AKT3: variants seen among roughly 807,000 people sequenced by gnomAD.
AKT3 encodes the protein AKT serine/threonine kinase 3.
Under a neutral mutation model 65.3 loss-of-function variants are expected in AKT3, and 15 were observed. That is an observed-to-expected ratio of 0.23 (90% CI 0.15 to 0.35). The LOEUF is 0.35. AKT3 is among the 10% of genes least tolerant of loss of function. AKT3 has a pLI of 1.00. For missense variants in AKT3, 243 were observed against 576.5 expected, an observed-to-expected ratio of 0.42 and a Z score of 5.92; for synonymous variants, 206 against 183.8, an observed-to-expected ratio of 1.12 and a Z score of -0.98.
chr1:243,636,024 G>A (rs753829476), intron 6 of AKT3, among the ~76,000 whole-genome samples: 1 of 152,044 alleles, frequency 6.6e-6, no homozygotes, highest in Non-Finnish European at 1.5e-5. Context: ...TCAGAAAAGT[G>A]TAAGTAGTGA....
chr1:243,807,733 T>A (rs12063991), intron 2 of AKT3, among the ~76,000 whole-genome samples: 3,370 of 152,246 alleles, frequency 0.022, 119 homozygotes, highest in African/African-American at 0.076. Context: ...ACAGACTGCC[T>A]CCTCAAGTGG....
chr1:243,695,530 G>T, intron 3 of AKT3, 61 bp downstream of exon 3: 1 of 1,448,754 alleles, frequency 6.9e-7, no homozygotes, highest in Non-Finnish European at 9.3e-7. Flanking sequence ...TAAGATATCT[G>T]ACACATAAAA....
At chr1:243,559,687 T>C (rs1469868400) in intron 10 of AKT3, among the ~76,000 whole-genome samples, 2 of 152,108 alleles carry the variant, frequency 1.3e-5, no homozygotes, top group Non-Finnish European at 2.9e-5. Flanking sequence ...GAAGGAACAC[T>C]ATTGCTAGAT....
intron 2 of AKT3, among the ~76,000 whole-genome samples, chr1:243,758,272 G>A (rs1689267951): frequency 6.6e-6 from 1 of 152,148 alleles, no homozygotes. Flanking sequence ...TATAGCAAAG[G>A]AGGGAATATA....
At chr1:243,794,608 C>T (rs979085066) in intron 2 of AKT3, among the ~76,000 whole-genome samples, 16 of 152,122 alleles carry the variant, frequency 1.1e-4, no homozygotes, top group Non-Finnish European at 4.4e-5. Flanking sequence ...GTGTTATCTA[C>T]TCCTATGAAA....
intron 13 of AKT3, among the ~76,000 whole-genome samples, chr1:243,489,346 G>A (rs1409524530): frequency 1.3e-5 from 2 of 152,232 alleles, no homozygotes; most frequent in African/African-American, 4.8e-5. Flanking sequence ...GTTAAAGTCC[G>A]TGCAGGTGAA....
chr1:243,492,595 C>T (rs12093576), intron 13 of AKT3, among the ~76,000 whole-genome samples: 66,508 of 140,492 alleles, frequency 0.47, 17,610 homozygotes, highest in Middle Eastern at 0.61. Flanking sequence ...TGAGCCACTG[C>T]GCCCAGCTGT....
intron 2 of AKT3, among the ~76,000 whole-genome samples, chr1:243,754,474 G>C (rs10803156): frequency 0.13 from 20,482 of 152,102 alleles, 1,659 homozygotes; most frequent in East Asian, 0.31. Flanking sequence ...CTGAGGGATG[G>C]AGAGATAGGA....
At chr1:243,592,794 G>A (rs1676326309) in intron 8 of AKT3, among the ~76,000 whole-genome samples, 1 of 152,104 alleles carries the variant, frequency 6.6e-6, no homozygotes, top group South Asian at 2.1e-4. Flanking sequence ...CTGTGTCAGG[G>A]AACAGAAATT....
chr1:243,512,486 T>C (rs1462306131), intron 12 of AKT3, 60 bp from the exon 13 acceptor site: 2 of 1,103,642 alleles, frequency 1.8e-6, no homozygotes, highest in Non-Finnish European at 1.3e-6. Flanking sequence ...AATTCCTTTC[T>C]AGGAAAAAAG....
At position 243,637,162 on chromosome 1, in the gene AKT3, A is replaced by C. The variant is rs117787687; in HGVS notation, c.561+449T>G. Among the ~76,000 whole-genome samples, 194 of 152,178 alleles carry C rather than the reference A, an allele frequency of 1.3e-3. 5 individuals carry two copies. In the East Asian group the frequency reaches 0.036, roughly 29 times the overall value. On this transcript the variant is annotated intron_variant, in intron 6 of 13. Transcript: ENST00000673466. ...GGTGGGAAGTAAGTCTTCCTAAAATAATTTATTTTAATTTCACCATTCTAG... is the reference window on the plus strand; with the variant it reads ...GGTGGGAAGTAAGTCTTCCTAAAATCATTTATTTTAATTTCACCATTCTAG...
At chr1:243,838,454 A>T (rs990841515) in intron 2 of AKT3, among the ~76,000 whole-genome samples, 4 of 152,074 alleles carry the variant, frequency 2.6e-5, no homozygotes, top group Non-Finnish European at 5.9e-5. Flanking sequence ...TCATTTTATA[A>T]CTTATTTCTA....
intron 11 of AKT3, chr1:243,546,514 T>C (rs982130671): frequency 3.9e-5 from 6 of 152,216 alleles, no homozygotes; most frequent in African/African-American, 1.2e-4. Context: ...TTTGGACTTG[T>C]TCATTATTAG....
chr1:243,523,302 CA>C (rs1247413729), intron 12 of AKT3, among the ~76,000 whole-genome samples: 29 of 150,706 alleles, frequency 1.9e-4, no homozygotes, highest in African/African-American at 6.6e-4. Context: ...CACACACACA[CA>C]CACACCTTTC....
intron 4 of AKT3, among the ~76,000 whole-genome samples, chr1:243,658,703 G>A (rs1428489662): frequency 6.6e-6 from 1 of 152,044 alleles, no homozygotes; most frequent in Non-Finnish European, 1.5e-5. Flanking sequence ...CAATAGCCAA[G>A]AGGTGGAAAC....
chr1:243,625,044 A>G (rs1679046202), intron 6 of AKT3: 1 of 355,314 alleles, frequency 2.8e-6, no homozygotes, highest in Non-Finnish European at 5.8e-6. Context: ...GTATTACAGA[A>G]AGCCTCCTCC....
chr1:243,631,335 G>A (rs949417517), intron 6 of AKT3, among the ~76,000 whole-genome samples: 7 of 152,004 alleles, frequency 4.6e-5, no homozygotes, highest in South Asian at 2.1e-4. Flanking sequence ...TTTTTGAGAC[G>A]AAGTCTTGCT....
chr1:243,836,061 G>A (rs1694871748), intron 2 of AKT3, among the ~76,000 whole-genome samples: 1 of 151,838 alleles, frequency 6.6e-6, no homozygotes, highest in African/African-American at 2.4e-5. Context: ...AAATATGACT[G>A]GCCTAAAAAC....
In AKT3 at chr1:243,843,241, T is replaced by TCTC; in HGVS notation, c.-72_-71insGAG. On this transcript the variant is annotated 5_prime_UTR_variant, in exon 2 of 14. Coordinates refer to ENST00000673466, the MANE Select transcript of AKT3 (RefSeq NM_005465.7). ...GATATCAGCTTTAGGGTTTGGATTC[T>TCTC]CTGCTGCTGCTGCCCTTCCCACTCT... 1 of 1,562,652 alleles carries TCTC rather than the reference T, an allele frequency of 6.4e-7. No homozygotes were observed. The highest frequency in any genetic ancestry group is 1.2e-5 in the South Asian group (1 of 83,332).
Sources: allele counts gnomAD v4.1 joint callset (sites outside exome capture counted in the v4.1 genomes callset), GRCh38; gene constraint gnomAD v4.1.1; transcripts MANE v1.5; gene names NCBI Gene and HGNC (gene_info 2026-07-23, HGNC 2026-07-21).